The following PSD2 variants were observed in gnomAD, a reference collection of about 807,000 sequenced individuals.
PSD2 encodes the protein PH and SEC7 domain-containing protein 2.
A neutral mutation model predicts 69.8 loss-of-function variants in PSD2; 38 were observed. The observed-to-expected ratio is 0.54, with a 90% confidence interval of 0.42 to 0.71. The LOEUF (loss-of-function observed/expected upper bound fraction) is 0.71. Ranked by LOEUF, PSD2 falls within the 30% of genes least tolerant of loss-of-function variation. The probability of loss-of-function intolerance (pLI) is 0.00; values close to 1 mark genes in which losing one functional copy is unlikely to be tolerated. For synonymous variants in PSD2, 412 were observed against 423.0 expected (o/e 0.97, Z 0.32); for missense variants, 943 against 1,014.5 (o/e 0.93, Z 0.96).
At chr5:139,821,452 C>A (rs766952222) in intron 5 of PSD2, among the ~76,000 whole-genome samples, 1 of 152,032 alleles carries the variant, frequency 6.6e-6, no homozygotes, top group African/African-American at 2.4e-5. Flanking sequence ...AGTTGAGGGG[C>A]CAGAGTTGGG....
intron 1 of PSD2, among the ~76,000 whole-genome samples, chr5:139,799,637 C>G (rs994998981): frequency 6.6e-6 from 1 of 152,126 alleles, no homozygotes; most frequent in Non-Finnish European, 1.5e-5. Flanking sequence ...TGGGCCAGCA[C>G]ATGGGAAAGA....
chr5:139,756,949 C>G, the PSD2 span, among the ~76,000 whole-genome samples: 1 of 152,270 alleles, frequency 6.6e-6, no homozygotes, highest in South Asian at 2.1e-4. Flanking sequence ...AGGTCAGGCC[C>G]GAGTCTCCAT....
the PSD2 span, among the ~76,000 whole-genome samples, chr5:139,777,489 T>A: frequency 6.6e-6 from 1 of 152,200 alleles, no homozygotes. Flanking sequence ...GGTCATTTGG[T>A]TGTAAGACAG....
chr5:139,793,411 G>A (rs1759454454), upstream of PSD2, among the ~76,000 whole-genome samples: 1 of 152,220 alleles, frequency 6.6e-6, no homozygotes, highest in Non-Finnish European at 1.5e-5. Context: ...GGGAAAGGAA[G>A]GTTCAGGAAA....
intron 5 of PSD2, among the ~76,000 whole-genome samples, chr5:139,820,426 A>T (rs1379005493): frequency 6.6e-6 from 1 of 152,100 alleles, no homozygotes; most frequent in African/African-American, 2.4e-5. Context: ...CAGTGCTATT[A>T]TGCAGCAGTT....
At chr5:139,789,149 CCA>C in the PSD2 span, among the ~76,000 whole-genome samples, 1 of 152,198 alleles carries the variant, frequency 6.6e-6, no homozygotes. Flanking sequence ...TTGTCCCTGG[CCA>C]CTCACTCTTT....
At chr5:139,787,316 G>T in the PSD2 span, among the ~76,000 whole-genome samples, 1 of 152,138 alleles carries the variant, frequency 6.6e-6, no homozygotes, top group Non-Finnish European at 1.5e-5. Context: ...CCACCCCCAC[G>T]CCCCAGTGCA....
In PSD2 at chr5:139,817,672, C is replaced by T. The variant is rs1362731768; in HGVS notation, c.1097+111C>T. 15 of 933,162 alleles carry T rather than the reference C, an allele frequency of 1.6e-5. No homozygotes were observed. The East Asian group carries it at 3.5e-4, about 22-fold the overall frequency. 57.8% of individuals were successfully genotyped at this position (933,162 alleles called of 1,614,324 possible). A position where few individuals can be genotyped will look rare whatever the true frequency, so the allele number is the denominator to read the frequency against. On this transcript the variant is annotated intron_variant, in intron 5 of 14. Transcript: ENST00000274710. ...GTACAACCTTGGGCAAGTCTTTTGA[C>T]CCCTGGTGAGGCTGTGGGGAAGGGG...
chr5:139,827,766 C>T (rs185373540), intron 7 of PSD2, among the ~76,000 whole-genome samples: 1 of 152,294 alleles, frequency 6.6e-6, no homozygotes, highest in Non-Finnish European at 1.5e-5. Flanking sequence ...CTTCCAAACA[C>T]TTATAAAACC....
rs377543476 is a variant in PSD2 at position 139,838,771 on chromosome 5, A to G, written c.1967A>G (p.Gln656Arg). Residue 656 changes from glutamine to arginine, a missense_variant and splice_region_variant, in exon 13 of 15, where the codon CAG (glutamine) becomes CGG (arginine). Physicochemically the swap from Gln to Arg is conservative, Grantham distance 43. This residue lies in a region of PSD2 where 165 missense variants were observed against 168.8 expected (regional missense o/e 0.98). Coordinates refer to ENST00000274710, the MANE Select transcript of PSD2 (RefSeq NM_032289.4). The part of the protein sequence containing the change: ...LLPSCTTRLC[Q>R]EEQLRSHENK... ...CCCTCCTGCACCACCCGCCTCTGCC[A>G]GGTACATGTTCCTGGGTCAACATTT... The G allele has an allele frequency of 7.4e-6, 12 of 1,611,512 alleles. No individual in the cohort carries two copies. The highest frequency in any genetic ancestry group is 1.3e-5 in the African/African-American group (1 of 74,834).
chr5:139,743,444 G>C, the PSD2 span, among the ~76,000 whole-genome samples: 131 of 152,304 alleles, frequency 8.6e-4, no homozygotes, highest in African/African-American at 2.7e-3. Context: ...TGTGTGTTTG[G>C]TGTGAGTGCT....
chr5:139,766,930 C>CTTCTTTCTTT, the PSD2 span, among the ~76,000 whole-genome samples: 16 of 44,118 alleles, frequency 3.6e-4, 2 homozygotes, highest in African/African-American at 1.1e-3. Context: ...CCTTCCTTCC[C>CTTCTTTCTTT]TTCTTTCTTT....
At chr5:139,817,955 C>T (rs1168924446) in intron 5 of PSD2, among the ~76,000 whole-genome samples, 1 of 152,210 alleles carries the variant, frequency 6.6e-6, no homozygotes, top group Non-Finnish European at 1.5e-5. Flanking sequence ...GATAAAGAGA[C>T]TTCCCCACAG....
At chr5:139,817,420 T>A in intron 4 of PSD2, 61 bp from the exon 5 acceptor site, 1 of 1,480,898 alleles carries the variant, frequency 6.8e-7, no homozygotes. Flanking sequence ...GTAATGCCTG[T>A]GATTCTGTCA....
Position 139,795,900 on chromosome 5 carries a change from G to GGGGCGGGACAGGCAGCC in PSD2, c.-125_-109dup, listed in dbSNP as rs1759510803. On this transcript the variant is annotated 5_prime_UTR_variant, in exon 1 of 15. Coordinates refer to ENST00000274710, the MANE Select transcript of PSD2 (RefSeq NM_032289.4). The surrounding 1 kb of genome is among the most constrained non-coding windows in gnomAD (Gnocchi z 4.5). ...GCGGGCAGCTCCGACCGGCGGCGGC[G>GGGGCGGGACAGGCAGCC]GGGCGGGACAGGCAGCCCGGCGGCC... 6.6e-6 allele frequency: 1 copy of GGGGCGGGACAGGCAGCC among 150,402 alleles called. No homozygotes were observed. The highest frequency in any genetic ancestry group is 2.0e-4 in the South Asian group (1 of 4,888). The allele number at this position is 150,402 out of a possible 1,614,324, so 9.3% of individuals were successfully genotyped here. A position where few individuals can be genotyped will look rare whatever the true frequency, so the allele number is the denominator to read the frequency against.
the PSD2 span, among the ~76,000 whole-genome samples, chr5:139,760,032 C>T: frequency 6.6e-6 from 1 of 152,232 alleles, no homozygotes; most frequent in Non-Finnish European, 1.5e-5. Context: ...GCTGTTCAGG[C>T]CCAGGTTGTA....
At chr5:139,767,456 A>G in the PSD2 span, among the ~76,000 whole-genome samples, 1 of 152,144 alleles carries the variant, frequency 6.6e-6, no homozygotes, top group Non-Finnish European at 1.5e-5. Context: ...CTGGGATTAC[A>G]GGCATGCACC....
chr5:139,754,063 T>C, the PSD2 span, among the ~76,000 whole-genome samples: 28 of 152,098 alleles, frequency 1.8e-4, no homozygotes, highest in African/African-American at 6.5e-4. Flanking sequence ...CTCGAACTCC[T>C]GACCTCAGGT....
chr5:139,751,816 C>G, the PSD2 span, among the ~76,000 whole-genome samples: 1 of 126,990 alleles, frequency 7.9e-6, no homozygotes, highest in African/African-American at 3.1e-5. Flanking sequence ...TTTTTTGAGA[C>G]AGGGTCTCGT....
Sources: allele counts gnomAD v4.1 joint callset (sites outside exome capture counted in the v4.1 genomes callset), GRCh38; gene constraint gnomAD v4.1.1; regional missense constraint gnomAD v4.1.1; non-coding constraint Gnocchi (gnomAD v3.1); transcripts MANE v1.5; gene names NCBI Gene and HGNC (gene_info 2026-07-23, HGNC 2026-07-21).